FNDC1: variants seen among roughly 807,000 people sequenced by gnomAD.
FNDC1 encodes fibronectin type III domain-containing protein 1.
In FNDC1, 96 loss-of-function variants were observed where a neutral mutation model predicts 168.0. The observed-to-expected ratio is 0.57, with a 90% confidence interval of 0.48 to 0.68. The LOEUF is 0.68. Ranked by LOEUF, FNDC1 falls within the 30% of genes least tolerant of loss-of-function variation. The pLI, the probability that FNDC1 is intolerant of heterozygous loss-of-function variation, is 0.00. For synonymous variants in FNDC1, 1,099 were observed against 1,025.9 expected, an observed-to-expected ratio of 1.07 and a Z score of -1.36; for missense variants, 2,587 against 2,482.1, an observed-to-expected ratio of 1.04 and a Z score of -0.90.
chr6:159,256,159 CG>C (rs1278768259), intron 17 of FNDC1, among the ~76,000 whole-genome samples: 6 of 152,162 alleles, frequency 3.9e-5, no homozygotes, highest in African/African-American at 1.4e-4. Context: ...CTATCTTACC[CG>C]GAAGTTCTTA....
chr6:159,213,690 T>C (rs1216507805), intron 4 of FNDC1, among the ~76,000 whole-genome samples: 1 of 135,272 alleles, frequency 7.4e-6, no homozygotes, highest in Non-Finnish European at 1.5e-5. Flanking sequence ...ACTATACTTT[T>C]GGACTAAAAA....
At chr6:159,188,024 AG>A (rs1360227659) in intron 1 of FNDC1, among the ~76,000 whole-genome samples, 1 of 152,196 alleles carries the variant, frequency 6.6e-6, no homozygotes, top group African/African-American at 2.4e-5. Flanking sequence ...GGTTACACTG[AG>A]ATCTGTGTTT....
At chr6:159,270,174 T>G (rs1298681246) in intron 22 of FNDC1, among the ~76,000 whole-genome samples, 1 of 152,170 alleles carries the variant, frequency 6.6e-6, no homozygotes, top group Non-Finnish European at 1.5e-5. Context: ...CTAGGCTGCC[T>G]TTTGGTTAAA....
At chr6:159,200,428 T>G in intron 3 of FNDC1, 85 bp from the exon 4 acceptor site, 1 of 1,030,078 alleles carries the variant, frequency 9.7e-7, no homozygotes, top group South Asian at 1.5e-5. Context: ...AAAAGATCAT[T>G]TAATTATACA....
At chr6:159,259,245 T>G (rs889482307) in intron 18 of FNDC1, among the ~76,000 whole-genome samples, 3 of 152,208 alleles carry the variant, frequency 2.0e-5, no homozygotes, top group African/African-American at 7.2e-5. Context: ...GGAATTTTAC[T>G]TTTTGCTTAA....
rs1278468233 is a variant in FNDC1, at chr6:159,170,929, C to T, written c.109+1224C>T. 2.0e-5 allele frequency among the ~76,000 whole-genome samples: 3 copies of T among 152,182 alleles called. No homozygotes were observed. In the East Asian group the frequency reaches 5.8e-4, roughly 29 times the overall value. On this transcript the variant is annotated intron_variant, in intron 1 of 22. Transcript: ENST00000297267. ...AGTCTTCCAACTTCCCCACCTACAA[C>T]TCCTGGCTTTTGTTTTTCTAAGTGA... is the stretch of plus-strand genomic sequence containing the variant.
At chr6:159,263,745 G>A (rs927412486) in intron 19 of FNDC1, among the ~76,000 whole-genome samples, 15 of 151,764 alleles carry the variant, frequency 9.9e-5, no homozygotes, top group Non-Finnish European at 1.6e-4. Context: ...CTGGGTGACA[G>A]AGCGAGACTC....
At position 159,225,516 on chromosome 6, in the gene FNDC1, G is replaced by A; in HGVS notation, c.885-19G>A. 6.3e-7 allele frequency: 1 copy of A among 1,587,022 alleles called. No homozygotes were observed. The highest frequency in any genetic ancestry group is 1.1e-5 in the South Asian group (1 of 87,524). On this transcript the variant is annotated intron_variant, in intron 7 of 22. Transcript: ENST00000297267. ...TGGCAGAGAATTTGGACAGATCATT[G>A]TGTTGTGTTTTCTTACAGACAGTAC...
Position 159,182,231 on chromosome 6 carries a change from C to A in FNDC1, c.109+12526C>A, listed in dbSNP as rs187687231. Among the ~76,000 whole-genome samples the A allele has an allele frequency of 2.0e-3, 306 of 152,292 alleles. 3 individuals carry two copies. The highest frequency in any genetic ancestry group is 6.2e-4 in the Non-Finnish European group (42 of 68,030). On this transcript the variant is annotated intron_variant, in intron 1 of 22. Transcript: ENST00000297267. ...CAGATTGTGTGTCCCTCTTAACAAG[C>A]ATGCGGAATCTGACTTGGGGTCCTT...
chr6:159,180,173 C>T (rs1311073519), intron 1 of FNDC1, among the ~76,000 whole-genome samples: 1 of 152,162 alleles, frequency 6.6e-6, no homozygotes, highest in East Asian at 1.9e-4. Flanking sequence ...TGGCAGAGAG[C>T]CTATCCTTGC....
At chr6:159,270,867 G>A (rs79422603) in intron 22 of FNDC1, among the ~76,000 whole-genome samples, 3,147 of 152,332 alleles carry the variant, frequency 0.021, 112 homozygotes, top group African/African-American at 0.073. Context: ...AGTAGTGAGT[G>A]CTGACTAGCA....
chr6:159,177,781 C>T (rs1021976100), intron 1 of FNDC1, among the ~76,000 whole-genome samples: 2 of 152,128 alleles, frequency 1.3e-5, no homozygotes, highest in African/African-American at 4.8e-5. Flanking sequence ...GTGCCCTTCA[C>T]AGAGTAGCTG....
intron 1 of FNDC1, among the ~76,000 whole-genome samples, chr6:159,174,686 T>C (rs892869965): frequency 1.3e-5 from 2 of 152,272 alleles, no homozygotes; most frequent in Non-Finnish European, 2.9e-5. Flanking sequence ...AATGGCTGCG[T>C]GTTAGCAAAT....
At chr6:159,172,438 C>T (rs1458898064) in intron 1 of FNDC1, among the ~76,000 whole-genome samples, 1 of 152,166 alleles carries the variant, frequency 6.6e-6, no homozygotes, top group African/African-American at 2.4e-5. Context: ...TTTCAGCTTT[C>T]AAGTGAAAAT....
chr6:159,223,498 G>A (rs1418644682), intron 6 of FNDC1, 30 bp from the exon 7 acceptor site: 11 of 1,469,140 alleles, frequency 7.5e-6, no homozygotes, highest in East Asian at 2.3e-5. Flanking sequence ...GTGAGAGAAA[G>A]CCTTTCTCTG....
intron 20 of FNDC1, 53 bp from the exon 21 acceptor site, chr6:159,266,031 G>A: frequency 6.3e-7 from 1 of 1,586,236 alleles, no homozygotes; most frequent in Non-Finnish European, 8.6e-7. Flanking sequence ...CTTTGTGTGA[G>A]AAGACACACT....
chr6:159,171,355 C>A (rs537855316), intron 1 of FNDC1, among the ~76,000 whole-genome samples: 14 of 152,318 alleles, frequency 9.2e-5, no homozygotes, highest in African/African-American at 3.4e-4. Flanking sequence ...ACAGACATAG[C>A]AACCTGTAGA....
At chr6:159,267,492 G>A (rs964943085) in intron 21 of FNDC1, among the ~76,000 whole-genome samples, 2 of 151,764 alleles carry the variant, frequency 1.3e-5, no homozygotes, top group Non-Finnish European at 2.9e-5. Context: ...AACTATCATA[G>A]TTTTCATCAT....
chr6:159,206,267 A>C (rs528868240), intron 4 of FNDC1, among the ~76,000 whole-genome samples: 1 of 152,374 alleles, frequency 6.6e-6, no homozygotes, highest in South Asian at 2.1e-4. Context: ...TTCCAAGTAC[A>C]ATTTCAATCA....
Sources: allele counts gnomAD v4.1 joint callset (sites outside exome capture counted in the v4.1 genomes callset), GRCh38; gene constraint gnomAD v4.1.1; transcripts MANE v1.5; gene names NCBI Gene and HGNC (gene_info 2026-07-23, HGNC 2026-07-21).